The following EIF2S1 variants were observed in gnomAD, a reference collection of about 807,000 sequenced individuals.
EIF2S1 encodes eukaryotic translation initiation factor 2 subunit alpha, also known as eukaryotic translation initiation factor 2 subunit 1.
Under a neutral mutation model 33.5 loss-of-function variants are expected in EIF2S1, and 5 were observed. The observed-to-expected ratio is 0.15, with a 90% CI of 0.08 to 0.31. The LOEUF is 0.31. Among genes scored for constraint, EIF2S1 ranks in the 10% least tolerant of loss-of-function variants. The pLI, the probability that EIF2S1 is intolerant of heterozygous loss-of-function variation, is 1.00. For synonymous variants in EIF2S1, 99 were observed against 127.5 expected (o/e 0.78, Z 1.51); for missense variants, 191 against 384.6 (o/e 0.50, Z 4.21).
At chr14:67,369,047 A>G (rs1256939345) in intron 2 of EIF2S1, among the ~76,000 whole-genome samples, 1 of 152,260 alleles carries the variant, frequency 6.6e-6, no homozygotes, top group South Asian at 2.1e-4. Context: ...GAATTCATTT[A>G]TATCAGTAAT....
In EIF2S1 at chr14:67,376,692, A is replaced by G. The variant is rs1595648717; in HGVS notation, c.473+102A>G. The G allele has an allele frequency of 3.9e-5, 51 of 1,315,840 alleles. No homozygotes were observed. In the South Asian group the frequency reaches 6.6e-4, roughly 17 times the overall value. 81.5% of individuals were successfully genotyped at this position (1,315,840 alleles called of 1,614,324 possible). ...TGTATAAAATACTTGCCAAATTTAG[A>G]TTAAAATATTTTGTATTGGCCAGTA... On this transcript the variant is annotated intron_variant, in intron 4 of 7. Coordinates refer to ENST00000256383, the MANE Select transcript of EIF2S1 (RefSeq NM_004094.5).
chr14:67,374,951 G>A (rs2085848730), intron 3 of EIF2S1, among the ~76,000 whole-genome samples: 1 of 152,180 alleles, frequency 6.6e-6, no homozygotes, highest in South Asian at 2.1e-4. Context: ...GAGGGTAACG[G>A]AGACAACCAG....
intron 1 of EIF2S1, among the ~76,000 whole-genome samples, chr14:67,361,301 A>G (rs939443753): frequency 2.0e-5 from 3 of 152,222 alleles, no homozygotes; most frequent in African/African-American, 7.2e-5. Flanking sequence ...TTCAAGGAAC[A>G]ATCTCTGTCA....
rs546308204 is a variant in EIF2S1, at chr14:67,368,470, T to C, written c.241+3462T>C. ...CAAGAATACAGAAAATAAGAAAATA[T>C]TTAGTTACTACTAATAATATTAATA... On this transcript the variant is annotated intron_variant, in intron 2 of 7. Coordinates refer to ENST00000256383, the MANE Select transcript of EIF2S1 (RefSeq NM_004094.5). 7.2e-5 allele frequency among the ~76,000 whole-genome samples: 11 copies of C among 152,198 alleles called. No homozygotes were observed. In the East Asian group the frequency reaches 1.2e-3, roughly 16 times the overall value.
chr14:67,360,918 C>A (rs1360180339), intron 1 of EIF2S1, among the ~76,000 whole-genome samples: 1 of 152,142 alleles, frequency 6.6e-6, no homozygotes, highest in African/African-American at 2.4e-5. Flanking sequence ...TGGCCTCTTA[C>A]CTGAGAAACC....
intron 5 of EIF2S1, among the ~76,000 whole-genome samples, chr14:67,381,108 C>A (rs970188011): frequency 1.3e-5 from 2 of 152,122 alleles, no homozygotes; most frequent in Non-Finnish European, 2.9e-5. Flanking sequence ...TAGCCTTTTC[C>A]ACCCAGTGTA....
intron 2 of EIF2S1, 134 bp downstream of exon 2, chr14:67,365,142 T>G: frequency 1.0e-6 from 1 of 1,003,420 alleles, no homozygotes; most frequent in Non-Finnish European, 1.4e-6. Flanking sequence ...ACATACAAAG[T>G]TGTTAGAAAA....
chr14:67,381,541 T>A, intron 5 of EIF2S1, 52 bp from the exon 6 acceptor site: 1 of 1,438,176 alleles, frequency 7.0e-7, no homozygotes, highest in South Asian at 1.1e-5. Context: ...TCCTTTAAAC[T>A]TTTAAATATT....
chr14:67,376,031 G>A (rs866280306), intron 3 of EIF2S1, among the ~76,000 whole-genome samples: 3 of 152,160 alleles, frequency 2.0e-5, no homozygotes, highest in African/African-American at 7.2e-5. Flanking sequence ...AGTTTGGCAG[G>A]TGGGTAAGAT....
At chr14:67,365,070 A>T in intron 2 of EIF2S1, 62 bp downstream of exon 2, 1 of 1,477,502 alleles carries the variant, frequency 6.8e-7, no homozygotes, top group Non-Finnish European at 9.0e-7. Context: ...TTAAAAATAC[A>T]TTTTTTGTAA....
intron 2 of EIF2S1, 142 bp downstream of exon 2, chr14:67,365,150 A>G (rs957642292): frequency 1.1e-6 from 1 of 889,134 alleles, no homozygotes; most frequent in African/African-American, 1.7e-5. Flanking sequence ...AGTTGTTAGA[A>G]AAGGATGCCA....
intron 5 of EIF2S1, among the ~76,000 whole-genome samples, chr14:67,381,215 C>T (rs74058415): frequency 0.021 from 3,223 of 152,192 alleles, 130 homozygotes; most frequent in African/African-American, 0.074. Flanking sequence ...AACATAAACC[C>T]GTCCCCTCCT....
chr14:67,370,939 G>A (rs901384891), intron 2 of EIF2S1, among the ~76,000 whole-genome samples: 2 of 152,120 alleles, frequency 1.3e-5, no homozygotes, highest in Non-Finnish European at 2.9e-5. Flanking sequence ...TGAGGTTGGA[G>A]GATTGCTTGA....
At chr14:67,372,568 C>A (rs990293074) in intron 2 of EIF2S1, among the ~76,000 whole-genome samples, 1 of 152,058 alleles carries the variant, frequency 6.6e-6, no homozygotes, top group African/African-American at 2.4e-5. Context: ...CGGTGGCTCA[C>A]GCCTGTTATC....
At position 67,376,483 on chromosome 14, in the gene EIF2S1, C is replaced by T; in HGVS notation, c.366C>T (p.Thr122=). Residue 122 remains threonine (T), a synonymous_variant, in exon 4 of 8, where the codon ACC becomes ACT. Transcript: ENST00000256383. ...LRHVAEVLEY[T]KDEQLESLFQ... ...ATGTTGCTGAGGTGTTAGAATACAC[C>T]AAGGATGAGCAGCTGGAAAGCCTAT... 1 of 1,613,790 alleles carries T rather than the reference C, an allele frequency of 6.2e-7. No individual in the cohort carries two copies. Among genetic ancestry groups the T allele is most frequent in the Non-Finnish European group, 8.5e-7 (1 of 1,179,870 alleles).
chr14:67,374,976 G>A (rs1160320570), intron 3 of EIF2S1, among the ~76,000 whole-genome samples: 1 of 152,186 alleles, frequency 6.6e-6, no homozygotes, highest in African/African-American at 2.4e-5. Flanking sequence ...TATATGTTAA[G>A]AATGAACAGG....
chr14:67,377,017 CT>C (rs2085860519), intron 4 of EIF2S1, among the ~76,000 whole-genome samples: 1 of 152,198 alleles, frequency 6.6e-6, no homozygotes, highest in Admixed American at 6.5e-5. Context: ...ACTTTCTGTT[CT>C]TTTGCCCCTG....
intron 2 of EIF2S1, among the ~76,000 whole-genome samples, chr14:67,367,456 C>G (rs1344069060): frequency 6.9e-6 from 1 of 144,006 alleles, no homozygotes; most frequent in Admixed American, 6.9e-5. Flanking sequence ...GTCTTGATCT[C>G]CTGACCTTGT....
intron 3 of EIF2S1, among the ~76,000 whole-genome samples, chr14:67,375,529 C>CAAA (rs34486911): frequency 1.3e-3 from 174 of 131,302 alleles, no homozygotes; most frequent in African/African-American, 4.2e-3. Flanking sequence ...GATAAAATAT[C>CAAA]AAAAAAAAAA....
Sources: gnomAD v4.1 joint callset for allele counts (sites outside exome capture counted in the v4.1 genomes callset) on GRCh38, gnomAD v4.1.1 for gene constraint, MANE v1.5 for transcripts, NCBI Gene and HGNC (gene_info 2026-07-23, HGNC 2026-07-21) for gene names.